SRPX2: variants seen among roughly 807,000 people sequenced by gnomAD.
SRPX2 encodes the protein sushi repeat-containing protein SRPX2.
Under a neutral mutation model 45.3 loss-of-function variants are expected in SRPX2, and 26 were observed. The ratio of observed to expected loss-of-function variants is 0.57; its 90% CI spans 0.42 to 0.80. SRPX2 has a LOEUF of 0.80. Among genes scored for constraint, SRPX2 ranks in the 30% least tolerant of loss-of-function variants. The pLI is 0.00. For synonymous variants in SRPX2, 125 were observed against 143.7 expected (o/e 0.87, Z 0.93); for missense variants, 355 against 399.8 (o/e 0.89, Z 0.95).
At chrX:100,651,177 T>C in intron 3 of SRPX2, 2 of 291,100 alleles carry the variant, frequency 6.9e-6, no homozygotes, top group Non-Finnish European at 1.2e-5. Context: ...ATGTAGCTTA[T>C]ATTCTGTTGG....
At chrX:100,654,089 C>G (rs191709208) in intron 3 of SRPX2, among the ~76,000 whole-genome samples, 6 of 112,180 alleles carry the variant, frequency 5.3e-5, no homozygotes, top group African/African-American at 1.9e-4. Flanking sequence ...GGAGAGGTGG[C>G]TAGTAAAAAG....
intron 3 of SRPX2, among the ~76,000 whole-genome samples, chrX:100,652,730 C>T (rs1247974811): frequency 9.0e-6 from 1 of 111,296 alleles, no homozygotes; most frequent in Non-Finnish European, 1.9e-5. Flanking sequence ...AAATGGTGAC[C>T]TTTAAGAAAA....
chrX:100,666,901 G>A lies in SRPX2; in HGVS notation c.929G>A (p.Arg310His), dbSNP rs757260303. ...GTPSRVCQSS[R>H]QWSGSPPICA... ...CCCTCCCGGGTCTGTCAGTCCAGCC[G>A]CCAGTGGTCAGGTTCACCACCAATC... The change falls in exon 8 of 11, where the codon CGC (arginine) becomes CAC (histidine). Residue 310 changes from arginine to histidine, a missense_variant. Transcript: ENST00000373004. 27 of 1,209,017 alleles carry A rather than the reference G, an allele frequency of 2.2e-5. No homozygotes were observed. Among genetic ancestry groups the A allele is most frequent in the South Asian group, 3.5e-5 (2 of 56,503 alleles).
chrX:100,650,691 A>G (rs905487807), intron 2 of SRPX2, 94 bp from the exon 3 acceptor site: 9 of 826,983 alleles, frequency 1.1e-5, no homozygotes, highest in Non-Finnish European at 1.6e-5. Context: ...GCCATGTCCT[A>G]AGGAAGTGAC....
intron 4 of SRPX2, 42 bp downstream of exon 4, chrX:100,662,409 G>A (rs12836436): frequency 8.4e-7 from 1 of 1,197,495 alleles, no homozygotes; most frequent in Non-Finnish European, 1.1e-6. Context: ...GTATGCGAGA[G>A]AAGCCAGCCA....
chrX:100,669,076 G>T (rs1239101869), intron 9 of SRPX2, among the ~76,000 whole-genome samples, 172 bp from the exon 10 acceptor site: 2 of 111,141 alleles, frequency 1.8e-5, no homozygotes, highest in African/African-American at 6.6e-5. Context: ...AGTACTTCAG[G>T]AATGACAGAG....
At chrX:100,646,046 G>A (rs2083134317) in intron 1 of SRPX2, 147 bp from the exon 2 acceptor site, 1 of 348,125 alleles carries the variant, frequency 2.9e-6, no homozygotes, top group Non-Finnish European at 5.1e-6. Flanking sequence ...GATGAAGATT[G>A]GTTGTTTTAC....
chrX:100,668,730 G>A (rs1482764093), intron 9 of SRPX2, among the ~76,000 whole-genome samples: 2 of 112,021 alleles, frequency 1.8e-5, no homozygotes, highest in Non-Finnish European at 3.8e-5. Flanking sequence ...GAGACCGAGC[G>A]AAGGCCCTGG....
At chrX:100,661,167 T>G (rs923211677) in intron 3 of SRPX2, among the ~76,000 whole-genome samples, 5 of 112,338 alleles carry the variant, frequency 4.5e-5, no homozygotes, top group Non-Finnish European at 9.4e-5. Context: ...TATTACCAGT[T>G]TTTTTTAAGG....
chrX:100,669,403 G>C (rs758658647), intron 10 of SRPX2, 34 bp downstream of exon 10: 1 of 895,517 alleles, frequency 1.1e-6, no homozygotes, highest in Non-Finnish European at 1.5e-6. Context: ...CTTGGGGGGA[G>C]GGGGGGCTGG....
intron 7 of SRPX2, among the ~76,000 whole-genome samples, chrX:100,666,139 C>T (rs1467925192): frequency 8.9e-6 from 1 of 111,964 alleles, no homozygotes. Flanking sequence ...AAATCTATTA[C>T]CCCATCATCC....
rs781669381 is a variant in SRPX2, at chrX:100,662,338, G to A, written c.326G>A (p.Arg109His). 5 of 1,211,721 alleles carry A rather than the reference G, an allele frequency of 4.1e-6. No individual in the cohort carries two copies. The East Asian group carries it at 8.9e-5, about 21-fold the overall frequency. Reference protein sequence around the residue: ...GRRSVQCLPSRRWSGTAYCRQ... With the variant: ...GRRSVQCLPSHRWSGTAYCRQ... ...AGGTCGGTGCAATGCCTGCCAAGCC[G>A]TCGTTGGTCTGGAACTGCCTACTGC... The change falls in exon 4 of 11, where the codon CGT (arginine) becomes CAT (histidine). Residue 109 changes from arginine (R) to histidine (H), a missense_variant. By Grantham distance (29) the Arg-to-His change is conservative (BLOSUM62 0). Coordinates refer to ENST00000373004, the MANE Select transcript of SRPX2 (RefSeq NM_014467.3).
At chrX:100,669,515 G>A (rs2083216307) in intron 10 of SRPX2, 146 bp downstream of exon 10, 2 of 527,484 alleles carry the variant, frequency 3.8e-6, no homozygotes, top group African/African-American at 2.3e-5. Flanking sequence ...GAACTCTTAT[G>A]GATGCATTAG....
intron 3 of SRPX2, among the ~76,000 whole-genome samples, chrX:100,655,894 G>A (rs1303748575): frequency 2.4e-5 from 2 of 83,880 alleles, no homozygotes; most frequent in African/African-American, 4.6e-5. Flanking sequence ...ACAAAGTTTC[G>A]CTCTTGTTGC....
rs58820687 is a variant in SRPX2, at chrX:100,667,644, G to A, written c.1095+237G>A. Among the ~76,000 whole-genome samples, 1,389 of 112,410 alleles carry A rather than the reference G, an allele frequency of 0.012. 23 individuals are homozygous for A. Among genetic ancestry groups the A allele is most frequent in the African/African-American group, 0.043 (1,315 of 30,910 alleles). On this transcript the variant is annotated intron_variant, in intron 9 of 10. Coordinates refer to ENST00000373004, the MANE Select transcript of SRPX2 (RefSeq NM_014467.3). ...CTTGCAGGGAGCTGGGTGAAAGATG[G>A]GAAGGGAGTGTGGCAAAGCACTCTG...
intron 2 of SRPX2, among the ~76,000 whole-genome samples, chrX:100,648,141 G>A (rs984211329): frequency 8.9e-6 from 1 of 112,438 alleles, no homozygotes; most frequent in Non-Finnish European, 1.9e-5. Flanking sequence ...TCAGAAAAAG[G>A]GTCCAGGAAT....
chrX:100,670,548 C>A (rs2083220856), intron 10 of SRPX2, among the ~76,000 whole-genome samples: 1 of 111,750 alleles, frequency 8.9e-6, no homozygotes, highest in African/African-American at 3.3e-5. Context: ...AAAGCACCGC[C>A]TGTTAATAAC....
At chrX:100,665,783 A>G in intron 7 of SRPX2, 126 bp downstream of exon 7, 1 of 1,044,642 alleles carries the variant, frequency 9.6e-7, no homozygotes, top group Non-Finnish European at 1.3e-6. Flanking sequence ...GAGAAAAACA[A>G]GTTCACCAAA....
In SRPX2 at chrX:100,675,264, G is replaced by C. The variant is rs952192357; in HGVS notation, c.*4277G>C. On this transcript the variant is annotated 3_prime_UTR_variant, in exon 11 of 11. Coordinates refer to ENST00000373004, the MANE Select transcript of SRPX2 (RefSeq NM_014467.3). ...CAGTCACTCTGGTCCTCTGAGATCA[G>C]CTAGAAGCTCTCACTGGGCATCCTC... The C allele has an allele frequency of 1.8e-5, 2 of 112,721 alleles. No homozygotes were observed. Among genetic ancestry groups the C allele is most frequent in the Non-Finnish European group, 3.7e-5 (2 of 53,335 alleles). The allele number at this position is 112,721 out of a possible 1,213,427, so 9.3% of individuals were successfully genotyped here.
Sources: gnomAD v4.1 joint callset for allele counts (sites outside exome capture counted in the v4.1 genomes callset) on GRCh38, gnomAD v4.1.1 for gene constraint, MANE v1.5 for transcripts, NCBI Gene and HGNC (gene_info 2026-07-23, HGNC 2026-07-21) for gene names.